DACH1: variants seen among roughly 807,000 people sequenced by gnomAD.
DACH1 encodes dachshund homolog 1.
A neutral mutation model predicts 54.2 loss-of-function variants in DACH1; 12 were observed. That is an observed-to-expected ratio of 0.22 (90% confidence interval 0.14 to 0.36). The LOEUF (loss-of-function observed/expected upper bound fraction) is 0.36. Among genes scored for constraint, DACH1 ranks in the 10% least tolerant of loss-of-function variants. DACH1 has a pLI of 1.00. For missense variants in DACH1, 805 were observed against 929.8 expected, an observed-to-expected ratio of 0.87 and a Z score of 1.75; for synonymous variants, 386 against 366.2, an observed-to-expected ratio of 1.05 and a Z score of -0.62.
At chr13:71,572,643 A>G (rs541152666) in intron 4 of DACH1, among the ~76,000 whole-genome samples, 197 bp downstream of exon 4, 33 of 152,290 alleles carry the variant, frequency 2.2e-4, no homozygotes, top group Admixed American at 1.8e-3. Flanking sequence ...ATAGATATAT[A>G]GAGAATTTAA....
chr13:71,646,672 T>A (rs943026841), intron 2 of DACH1, among the ~76,000 whole-genome samples: 3 of 152,206 alleles, frequency 2.0e-5, no homozygotes, highest in South Asian at 2.1e-4. Context: ...ATCTAAAAAG[T>A]AATTCTTATA....
intron 1 of DACH1, among the ~76,000 whole-genome samples, chr13:71,692,030 C>CAA (rs1881504506): frequency 6.6e-6 from 1 of 151,612 alleles, no homozygotes. Flanking sequence ...CACACACACA[C>CAA]ACACACACAC....
chr13:71,615,094 T>C (rs1875662747), intron 3 of DACH1, among the ~76,000 whole-genome samples: 1 of 152,090 alleles, frequency 6.6e-6, no homozygotes, highest in Admixed American at 6.5e-5. Flanking sequence ...TTATCCCATG[T>C]TTATGGTAAA....
At chr13:71,455,988 T>A (rs1875522485) in intron 10 of DACH1, among the ~76,000 whole-genome samples, 1 of 151,994 alleles carries the variant, frequency 6.6e-6, no homozygotes. Context: ...TGGAAAGCAG[T>A]AACAACAAAA....
At chr13:71,696,130 G>A (rs1038337608) in intron 1 of DACH1, among the ~76,000 whole-genome samples, 1 of 151,926 alleles carries the variant, frequency 6.6e-6, no homozygotes, top group African/African-American at 2.4e-5. Context: ...TGGGTGACGG[G>A]GTCATCTTCA....
intron 6 of DACH1, among the ~76,000 whole-genome samples, chr13:71,515,701 T>C (rs1365513130): frequency 1.3e-5 from 2 of 151,858 alleles, no homozygotes. Flanking sequence ...TTAGCTAGTG[T>C]CACCAAAGTT....
chr13:71,468,982 A>G (rs1178764260), intron 10 of DACH1, among the ~76,000 whole-genome samples: 1 of 152,198 alleles, frequency 6.6e-6, no homozygotes, highest in African/African-American at 2.4e-5. Context: ...GGTCATTAAG[A>G]GGCAACAAGC....
intron 3 of DACH1, among the ~76,000 whole-genome samples, chr13:71,616,101 A>G (rs1875742968): frequency 6.6e-6 from 1 of 152,228 alleles, no homozygotes; most frequent in Non-Finnish European, 1.5e-5. Flanking sequence ...CACCAAAACC[A>G]CATGGCACCA....
At chr13:71,821,805 G>T (rs1336577661) in intron 1 of DACH1, among the ~76,000 whole-genome samples, 4 of 152,064 alleles carry the variant, frequency 2.6e-5, no homozygotes, top group African/African-American at 9.7e-5. Flanking sequence ...ACTGAAACCA[G>T]CAATCCCAGC....
chr13:71,795,491 G>A (rs899055525), intron 1 of DACH1, among the ~76,000 whole-genome samples: 1 of 152,020 alleles, frequency 6.6e-6, no homozygotes, highest in Non-Finnish European at 1.5e-5. Context: ...GTAACTCTTT[G>A]TCTATAATCC....
intron 7 of DACH1, among the ~76,000 whole-genome samples, chr13:71,486,383 T>C (rs1878505083): frequency 6.6e-6 from 1 of 152,150 alleles, no homozygotes; most frequent in South Asian, 2.1e-4. Context: ...CAGAATGTAA[T>C]TACCCATATT....
At chr13:71,861,467 A>G (rs1264799206) in intron 1 of DACH1, among the ~76,000 whole-genome samples, 1 of 152,054 alleles carries the variant, frequency 6.6e-6, no homozygotes, top group African/African-American at 2.4e-5. Flanking sequence ...CCTGCAGTAT[A>G]ATTTGACTGA....
chr13:71,788,796 G>A (rs1400472195), intron 1 of DACH1, among the ~76,000 whole-genome samples: 1 of 151,970 alleles, frequency 6.6e-6, no homozygotes, highest in Admixed American at 6.6e-5. Context: ...ATACAAATAT[G>A]CTGTTGTAAT....
chr13:71,507,212 T>A (rs1323593795), intron 6 of DACH1, among the ~76,000 whole-genome samples: 3 of 152,148 alleles, frequency 2.0e-5, no homozygotes. Context: ...AGGAGATCAT[T>A]CATATTAGTG....
chr13:71,441,748 A>G (rs1379153277), intron 10 of DACH1, among the ~76,000 whole-genome samples: 1 of 152,100 alleles, frequency 6.6e-6, no homozygotes, highest in East Asian at 1.9e-4. Flanking sequence ...AACTACTTTT[A>G]TACAATCTAT....
intron 1 of DACH1, among the ~76,000 whole-genome samples, chr13:71,728,965 C>T (rs1883608857): frequency 1.3e-5 from 2 of 151,914 alleles, no homozygotes; most frequent in Admixed American, 6.6e-5. Context: ...CTTCCTTACT[C>T]AGTGTAATAG....
intron 4 of DACH1, among the ~76,000 whole-genome samples, chr13:71,560,580 C>A (rs1044027531): frequency 2.6e-5 from 4 of 152,100 alleles, no homozygotes; most frequent in Non-Finnish European, 4.4e-5. Flanking sequence ...GTATTAAGGG[C>A]ACATTTATGA....
At chr13:71,675,258 A>T (rs574753648) in intron 2 of DACH1, 11 of 1,586,688 alleles carry the variant, frequency 6.9e-6, no homozygotes, top group African/African-American at 1.4e-5. Flanking sequence ...TGATTCGCAG[A>T]CTTCCCTTCC....
intron 1 of DACH1, among the ~76,000 whole-genome samples, chr13:71,692,800 C>T (rs1354480632): frequency 2.6e-5 from 4 of 151,912 alleles, no homozygotes; most frequent in Non-Finnish European, 4.4e-5. Context: ...GGATTACAGG[C>T]GTGAGCCACC....
Sources: gnomAD v4.1 joint callset for allele counts (sites outside exome capture counted in the v4.1 genomes callset) on GRCh38, gnomAD v4.1.1 for gene constraint, MANE v1.5 for transcripts, NCBI Gene and HGNC (gene_info 2026-07-23, HGNC 2026-07-21) for gene names.